CDC42BPA: variants seen among roughly 807,000 people sequenced by gnomAD.
CDC42BPA encodes CDC42 binding protein kinase alpha, also known as serine/threonine-protein kinase MRCK alpha.
A neutral mutation model predicts 223.5 loss-of-function variants in CDC42BPA; 80 were observed. The ratio of observed to expected loss-of-function variants is 0.36; its 90% CI spans 0.30 to 0.43. CDC42BPA has a LOEUF of 0.43. CDC42BPA is among the 20% of genes least tolerant of loss of function. CDC42BPA has a pLI of 1.00. For missense variants in CDC42BPA, 1,743 were observed against 2,099.9 expected (o/e 0.83, Z 3.32); for synonymous variants, 694 against 718.6 (o/e 0.97, Z 0.55).
chr1:227,049,735 A>G (rs1673153785), intron 22 of CDC42BPA, among the ~76,000 whole-genome samples: 1 of 152,156 alleles, frequency 6.6e-6, no homozygotes, highest in African/African-American at 2.4e-5. Flanking sequence ...GAGTATCCAA[A>G]CAGATCCATG....
intron 2 of CDC42BPA, among the ~76,000 whole-genome samples, chr1:227,244,678 A>G (rs868402554): frequency 6.6e-5 from 10 of 152,376 alleles, no homozygotes; most frequent in Middle Eastern, 3.4e-3. Context: ...CAAATTTTAA[A>G]AACTATCTGC....
At chr1:227,156,847 C>T (rs1242276103) in intron 6 of CDC42BPA, among the ~76,000 whole-genome samples, 1 of 148,908 alleles carries the variant, frequency 6.7e-6, no homozygotes, top group Admixed American at 6.6e-5. Flanking sequence ...TTTTTCCCTG[C>T]AGCTCTATCC....
intron 26 of CDC42BPA, 141 bp from the exon 27 acceptor site, chr1:227,033,556 C>T (rs1177913312): frequency 6.6e-6 from 4 of 606,202 alleles, no homozygotes; most frequent in South Asian, 6.5e-5. Context: ...TAATTTTCCC[C>T]CATTGTAATT....
At chr1:227,132,277 C>T (rs949421117) in intron 10 of CDC42BPA, among the ~76,000 whole-genome samples, 2 of 152,154 alleles carry the variant, frequency 1.3e-5, no homozygotes, top group Non-Finnish European at 2.9e-5. Flanking sequence ...GTGCCTCAGG[C>T]GCGCCGCCAC....
rs118170024 is a variant in CDC42BPA, at chr1:227,000,851, T to C, written c.4975+4143A>G. Among the ~76,000 whole-genome samples the C allele has an allele frequency of 2.6e-3, 392 of 152,104 alleles. 9 individuals carry two copies. In the East Asian group the frequency reaches 0.048, roughly 19 times the overall value. On this transcript the variant is annotated intron_variant, in intron 35 of 36. Transcript: ENST00000366766. Reference sequence around the variant, plus strand: ...AAAAATCAAGGCAGGGCTGTTTTGATTGAACAGCAAAAGGAGCCTGGGGAC... The same window carrying C: ...AAAAATCAAGGCAGGGCTGTTTTGACTGAACAGCAAAAGGAGCCTGGGGAC...
intron 12 of CDC42BPA, 116 bp downstream of exon 12, chr1:227,119,688 T>C (rs1688319279): frequency 1.5e-6 from 1 of 686,028 alleles, no homozygotes; most frequent in African/African-American, 1.9e-5. Flanking sequence ...GACCAACTTT[T>C]AAGAAGATAA....
chr1:227,247,807 G>A (rs1406560726), intron 2 of CDC42BPA, among the ~76,000 whole-genome samples: 1 of 149,892 alleles, frequency 6.7e-6, no homozygotes, highest in Non-Finnish European at 1.5e-5. Context: ...GCTTGAACCT[G>A]TGAGATGGAG....
At chr1:227,266,135 A>G (rs945315839) in intron 1 of CDC42BPA, among the ~76,000 whole-genome samples, 4 of 152,182 alleles carry the variant, frequency 2.6e-5, no homozygotes, top group African/African-American at 9.7e-5. Context: ...ATGATGAATT[A>G]TAATTGGTAT....
chr1:227,272,643 A>T (rs1213036683), intron 1 of CDC42BPA, among the ~76,000 whole-genome samples: 1 of 152,154 alleles, frequency 6.6e-6, no homozygotes, highest in Non-Finnish European at 1.5e-5. Flanking sequence ...GCTGGTGTCA[A>T]ACTCCTGGTC....
chr1:227,043,406 C>T (rs1279523228), intron 23 of CDC42BPA, among the ~76,000 whole-genome samples: 2 of 112,236 alleles, frequency 1.8e-5, no homozygotes, highest in East Asian at 2.8e-4. Context: ...AACGAGACTT[C>T]GTCTCAAAAA....
chr1:227,291,995 T>C (rs891277993), intron 1 of CDC42BPA, among the ~76,000 whole-genome samples: 6 of 152,146 alleles, frequency 3.9e-5, no homozygotes, highest in Non-Finnish European at 7.3e-5. Flanking sequence ...TAATTTTTTT[T>C]TTTTTCAGAC....
chr1:227,098,494 A>G (rs1684420838), intron 15 of CDC42BPA, among the ~76,000 whole-genome samples: 1 of 151,998 alleles, frequency 6.6e-6, no homozygotes, highest in Non-Finnish European at 1.5e-5. Context: ...TTGTCAGGGG[A>G]AAAAATGTGC....
intron 22 of CDC42BPA, among the ~76,000 whole-genome samples, chr1:227,049,076 T>C (rs1002284419): frequency 2.0e-5 from 3 of 151,986 alleles, no homozygotes; most frequent in Non-Finnish European, 2.9e-5. Flanking sequence ...TTTAAATAGC[T>C]TGAAAAAGTT....
chr1:227,141,468 C>T (rs538717296), intron 9 of CDC42BPA, among the ~76,000 whole-genome samples: 4 of 152,124 alleles, frequency 2.6e-5, no homozygotes, highest in Non-Finnish European at 4.4e-5. Flanking sequence ...ATGGAAGATA[C>T]TGGCCTTACT....
At chr1:227,311,537 G>A (rs929900471) in intron 1 of CDC42BPA, among the ~76,000 whole-genome samples, 1 of 151,996 alleles carries the variant, frequency 6.6e-6, no homozygotes, top group Non-Finnish European at 1.5e-5. Context: ...TTGTTTATAG[G>A]TCATATGGTT....
intron 5 of CDC42BPA, among the ~76,000 whole-genome samples, chr1:227,187,138 C>A (rs1572216856): frequency 6.6e-6 from 1 of 152,130 alleles, no homozygotes; most frequent in African/African-American, 2.4e-5. Flanking sequence ...TCATATCTGT[C>A]TTTCAACAAA....
intron 5 of CDC42BPA, among the ~76,000 whole-genome samples, chr1:227,169,591 C>T (rs1475685306): frequency 2.6e-5 from 4 of 152,170 alleles, no homozygotes; most frequent in Non-Finnish European, 5.9e-5. Flanking sequence ...CCAAATTCAG[C>T]TTTCACAGGC....
rs1003542381 is a variant in CDC42BPA at position 227,275,587 on chromosome 1, C to G, written c.179-21432G>C. 2.0e-5 allele frequency among the ~76,000 whole-genome samples: 3 copies of G among 148,348 alleles called. No individual in the cohort carries two copies. The South Asian group carries it at 6.6e-4, about 32-fold the overall frequency. Reference sequence around the variant, plus strand: ...AATATTAGAAATGAAAAAATGTTCCCCCTCCCCCTCCCCCTCTCCCCCTCC... The same window carrying G: ...AATATTAGAAATGAAAAAATGTTCCGCCTCCCCCTCCCCCTCTCCCCCTCC... On this transcript the variant is annotated intron_variant, in intron 1 of 36. Transcript: ENST00000366766.
intron 2 of CDC42BPA, among the ~76,000 whole-genome samples, chr1:227,213,720 C>T (rs1026799344): frequency 6.6e-6 from 1 of 152,070 alleles, no homozygotes; most frequent in African/African-American, 2.4e-5. Context: ...TTTTTCATAT[C>T]ACATACTCTT....
Sources: allele counts gnomAD v4.1 joint callset (sites outside exome capture counted in the v4.1 genomes callset), GRCh38; gene constraint gnomAD v4.1.1; transcripts MANE v1.5; gene names NCBI Gene and HGNC (gene_info 2026-07-23, HGNC 2026-07-21).